SCAPER: variants seen among roughly 807,000 people sequenced by gnomAD.
SCAPER encodes S-phase cyclin A associated protein in the ER.
A neutral mutation model predicts 182.2 loss-of-function variants in SCAPER; 98 were observed. The observed-to-expected ratio is 0.54, with a 90% CI of 0.46 to 0.64. The LOEUF (loss-of-function observed/expected upper bound fraction) is 0.64, where lower values mean the gene tolerates loss of function less well. SCAPER is among the 30% of genes least tolerant of loss of function. The probability of loss-of-function intolerance (pLI) is 0.00; values close to 1 mark genes in which losing one functional copy is unlikely to be tolerated. For missense variants in SCAPER, 1,432 were observed against 1,690.0 expected, an observed-to-expected ratio of 0.85 and a Z score of 2.68; for synonymous variants, 605 against 564.6, an observed-to-expected ratio of 1.07 and a Z score of -1.01.
intron 23 of SCAPER, among the ~76,000 whole-genome samples, chr15:76,515,082 A>G (rs1463842845): frequency 6.6e-6 from 1 of 152,224 alleles, no homozygotes; most frequent in Non-Finnish European, 1.5e-5. Context: ...AAAAACAGTA[A>G]AATTATAAGC....
At chr15:76,898,865 C>G (rs925612717) in intron 1 of SCAPER, among the ~76,000 whole-genome samples, 3 of 152,156 alleles carry the variant, frequency 2.0e-5, no homozygotes, top group Non-Finnish European at 2.9e-5. Flanking sequence ...TCTGTGAATA[C>G]ATTAAAATCA....
At chr15:76,887,991 A>G (rs2073943956) in intron 1 of SCAPER, among the ~76,000 whole-genome samples, 2 of 152,242 alleles carry the variant, frequency 1.3e-5, no homozygotes, top group Non-Finnish European at 2.9e-5. Context: ...CTGTTCTGCA[A>G]TATTTGCTGT....
Position 76,348,635 on chromosome 15 carries a change from ATTTTTTCTC to A in SCAPER, c.4192_4200del (p.Glu1398_Lys1400del). 5 of 1,533,694 alleles carry A rather than the reference ATTTTTTCTC, an allele frequency of 3.3e-6. No homozygotes were observed. Among genetic ancestry groups the A allele is most frequent in the Non-Finnish European group, 3.5e-6 (4 of 1,137,942 alleles). On this transcript the variant is annotated inframe_deletion, in exon 32 of 32. Transcript: ENST00000563290. ...AAATACAGAATCAACCAAAACATTT[ATTTTTTCTC>A]TTTTTTCAAGAAAAACTGTCGAGCT...
intron 8 of SCAPER, among the ~76,000 whole-genome samples, chr15:76,781,165 T>C (rs1442806647): frequency 4.6e-5 from 7 of 152,064 alleles, no homozygotes; most frequent in African/African-American, 1.7e-4. Flanking sequence ...AATGCCTAAC[T>C]AGAATGAACA....
At position 76,488,714 on chromosome 15, in the gene SCAPER, C is replaced by CTTTTTTTT. The variant is rs71143333; in HGVS notation, c.2954+16137_2954+16144dup. On this transcript the variant is annotated intron_variant, in intron 24 of 31. Coordinates refer to ENST00000563290, the MANE Select transcript of SCAPER (RefSeq NM_020843.4). ...TTGCATCCTGATAACAGTACACTGC[C>CTTTTTTTT]TTTTTTTTTTTTTTTTTTTTTTTTT... 1.3e-3 allele frequency among the ~76,000 whole-genome samples: 117 copies of CTTTTTTTT among 93,112 alleles called. 13 individuals are homozygous for CTTTTTTTT. The highest frequency in any genetic ancestry group is 2.5e-3 in the African/African-American group (52 of 20,936). The allele number at this position is 93,112 out of a possible 152,430, so 61.1% of individuals were successfully genotyped here. A position where few individuals can be genotyped will look rare whatever the true frequency, so the allele number is the denominator to read the frequency against.
At chr15:76,546,084 AGGCCT>A (rs2045259541) in intron 23 of SCAPER, among the ~76,000 whole-genome samples, 1 of 152,254 alleles carries the variant, frequency 6.6e-6, no homozygotes, top group African/African-American at 2.4e-5. Context: ...GGACTAAACT[AGGCCT>A]AGAGTAAAAT....
chr15:76,793,366 G>C, intron 8 of SCAPER: 1 of 670,324 alleles, frequency 1.5e-6, no homozygotes, highest in Non-Finnish European at 2.7e-6. Context: ...GCAGCCCCTA[G>C]GTGGCTTCAG....
chr15:76,699,949 G>C (rs2058846696), intron 20 of SCAPER, among the ~76,000 whole-genome samples: 1 of 152,238 alleles, frequency 6.6e-6, no homozygotes, highest in South Asian at 2.1e-4. Context: ...GCAGCTGCCA[G>C]AAAGTGGTGG....
At chr15:76,434,360 A>C (rs2047058628) in intron 25 of SCAPER, 50 bp from the exon 26 acceptor site, 1 of 1,280,648 alleles carries the variant, frequency 7.8e-7, no homozygotes, top group Non-Finnish European at 1.1e-6. Flanking sequence ...ACCACCAAAA[A>C]TGGGCAGAGA....
At chr15:76,730,176 T>C (rs1233212728) in intron 16 of SCAPER, among the ~76,000 whole-genome samples, 1 of 152,156 alleles carries the variant, frequency 6.6e-6, no homozygotes. Context: ...GATTTGAACA[T>C]TTCTAATAGT....
At chr15:76,655,305 A>C (rs182845697) in intron 21 of SCAPER, among the ~76,000 whole-genome samples, 8 of 152,356 alleles carry the variant, frequency 5.3e-5, no homozygotes, top group Admixed American at 5.2e-4. Context: ...AAAATCTCAG[A>C]TCATGAAGAC....
intron 23 of SCAPER, among the ~76,000 whole-genome samples, chr15:76,570,677 T>C (rs1597439569): frequency 1.3e-5 from 2 of 152,138 alleles, no homozygotes; most frequent in South Asian, 2.1e-4. Flanking sequence ...TTACTTATCA[T>C]GACTTACTTA....
intron 30 of SCAPER, 124 bp from the exon 31 acceptor site, chr15:76,351,412 A>G (rs1423181273): frequency 4.2e-6 from 3 of 712,196 alleles, no homozygotes; most frequent in Admixed American, 3.4e-5. Flanking sequence ...GGGCCCAAAT[A>G]TAAACGCTGA....
intron 22 of SCAPER, among the ~76,000 whole-genome samples, chr15:76,594,647 G>A (rs998994043): frequency 8.2e-6 from 1 of 121,718 alleles, no homozygotes; most frequent in Admixed American, 9.3e-5. Flanking sequence ...AACTCTACAA[G>A]CCAGAAGAGA....
At chr15:76,357,997 A>G (rs1247918293) in intron 29 of SCAPER, among the ~76,000 whole-genome samples, 1 of 152,232 alleles carries the variant, frequency 6.6e-6, no homozygotes, top group African/African-American at 2.4e-5. Context: ...AACGTATACT[A>G]TTCAGGTGAC....
chr15:76,648,004 A>G (rs968754900), intron 21 of SCAPER, among the ~76,000 whole-genome samples: 1 of 152,094 alleles, frequency 6.6e-6, no homozygotes, highest in Non-Finnish European at 1.5e-5. Context: ...AAACAATAAA[A>G]CCCAGACATA....
intron 14 of SCAPER, among the ~76,000 whole-genome samples, chr15:76,764,467 C>G (rs2062994819): frequency 6.6e-6 from 1 of 152,244 alleles, no homozygotes; most frequent in South Asian, 2.1e-4. Context: ...CATGTGTGTG[C>G]ATGGCTATTT....
At chr15:76,729,295 T>TACACAC (rs57440824) in intron 16 of SCAPER, among the ~76,000 whole-genome samples, 4,464 of 144,224 alleles carry the variant, frequency 0.031, 129 homozygotes, top group East Asian at 0.11. Flanking sequence ...TATATACACA[T>TACACAC]ACACACACAC....
chr15:76,431,929 T>C (rs1245198954), intron 26 of SCAPER, among the ~76,000 whole-genome samples: 1 of 152,094 alleles, frequency 6.6e-6, no homozygotes, highest in Non-Finnish European at 1.5e-5. Flanking sequence ...TGCTCCTTCC[T>C]AAAGGAGGAA....
Sources: allele counts gnomAD v4.1 joint callset (sites outside exome capture counted in the v4.1 genomes callset), GRCh38; gene constraint gnomAD v4.1.1; transcripts MANE v1.5; gene names NCBI Gene and HGNC (gene_info 2026-07-23, HGNC 2026-07-21).